DDX1: variants seen among roughly 807,000 people sequenced by gnomAD.
DDX1 encodes the protein DEAD-box helicase 1, also known as ATP-dependent RNA helicase DDX1.
In DDX1, 28 loss-of-function variants were observed where a neutral mutation model predicts 108.7. The ratio of observed to expected loss-of-function variants is 0.26; its 90% CI spans 0.19 to 0.35. DDX1 has a LOEUF of 0.35. Among genes scored for constraint, DDX1 ranks in the 10% least tolerant of loss-of-function variants. The probability of loss-of-function intolerance (pLI) is 1.00; values close to 1 mark genes in which losing one functional copy is unlikely to be tolerated. For synonymous variants in DDX1, 295 were observed against 288.9 expected, an observed-to-expected ratio of 1.02 and a Z score of -0.21; for missense variants, 710 against 884.5, an observed-to-expected ratio of 0.80 and a Z score of 2.50.
chr2:15,629,511 G>T, intron 23 of DDX1, 91 bp from the exon 24 acceptor site: 1 of 869,238 alleles, frequency 1.2e-6, no homozygotes, highest in South Asian at 1.8e-5. Flanking sequence ...GTGCCTTGAG[G>T]ACAGAAAACA....
intron 13 of DDX1, among the ~76,000 whole-genome samples, chr2:15,612,192 C>T (rs943488532): frequency 2.0e-5 from 3 of 151,516 alleles, no homozygotes; most frequent in African/African-American, 4.9e-5. Context: ...GGTGGGTGAC[C>T]CCCACCTCCT....
chr2:15,625,635 C>T (rs1461609213), intron 19 of DDX1, among the ~76,000 whole-genome samples: 1 of 151,938 alleles, frequency 6.6e-6, no homozygotes, highest in African/African-American at 2.4e-5. Context: ...GGATATACAA[C>T]TGTTCATCCT....
chr2:15,628,828 G>C lies in DDX1; in HGVS notation c.1864G>C (p.Glu622Gln). 6.2e-7 allele frequency: 1 copy of C among 1,613,452 alleles called. No homozygotes were observed. The highest frequency in any genetic ancestry group is 8.5e-7 in the Non-Finnish European group (1 of 1,179,486). Residue 622 changes from glutamate to glutamine, a missense_variant, in exon 23 of 26, where the codon GAA becomes CAA. By Grantham distance (29) the Glu-to-Gln change is conservative. Coordinates refer to ENST00000233084, the MANE Select transcript of DDX1 (RefSeq NM_004939.3). ...TCTGGCAATTTCCCTGGTGGCAACA[G>C]AAAAAGAAAAGGTAATCTTTGTAGG... Reference protein sequence around the residue: ...MGLAISLVATEKEKVWYHVCS... With the variant: ...MGLAISLVATQKEKVWYHVCS...
intron 18 of DDX1, 161 bp downstream of exon 18, chr2:15,621,277 A>T (rs1462622724): frequency 1.6e-6 from 1 of 621,302 alleles, no homozygotes; most frequent in Admixed American, 3.1e-5. Flanking sequence ...AGCTGATACT[A>T]GTCAACTTAG....
intron 25 of DDX1, 137 bp downstream of exon 25, chr2:15,630,247 C>A: frequency 1.2e-6 from 1 of 830,208 alleles, no homozygotes; most frequent in Non-Finnish European, 1.9e-6. Context: ...TCCTTATTAC[C>A]CTCATAGTAC....
At chr2:15,595,763 C>T (rs150037997) in intron 3 of DDX1, among the ~76,000 whole-genome samples, 163 of 152,246 alleles carry the variant, frequency 1.1e-3, no homozygotes, top group Non-Finnish European at 1.7e-3. Context: ...GAATGAATCT[C>T]GTATCAGAGA....
At chr2:15,608,999 G>T (rs1368625043) in intron 13 of DDX1, among the ~76,000 whole-genome samples, 1 of 152,092 alleles carries the variant, frequency 6.6e-6, no homozygotes. Flanking sequence ...TTTTAGGCTG[G>T]GAGCCAGGGC....
At chr2:15,612,402 A>G (rs1160320020) in intron 13 of DDX1, among the ~76,000 whole-genome samples, 1 of 149,926 alleles carries the variant, frequency 6.7e-6, no homozygotes, top group Non-Finnish European at 1.5e-5. Flanking sequence ...CACTTCCTAG[A>G]TGGGATGGCG....
chr2:15,604,352 AAC>A (rs1665631635), intron 9 of DDX1, 83 bp from the exon 10 acceptor site: 14 of 869,230 alleles, frequency 1.6e-5, no homozygotes, highest in South Asian at 1.0e-4. Context: ...ATTATTTTGA[AAC>A]ACATACTTTT....
intron 15 of DDX1, among the ~76,000 whole-genome samples, chr2:15,617,691 A>G (rs1324335973): frequency 6.6e-6 from 1 of 152,192 alleles, no homozygotes; most frequent in Non-Finnish European, 1.5e-5. Flanking sequence ...TTTTGCTCCA[A>G]ATAACCAGCT....
rs1232717954 is a variant in DDX1 at position 15,614,059 on chromosome 2, G to A, written c.1017+775G>A. On this transcript the variant is annotated intron_variant, in intron 14 of 25. Coordinates refer to ENST00000233084, the MANE Select transcript of DDX1 (RefSeq NM_004939.3). ...TGGTCTTGAACTCCTGACCTCAGGT[G>A]ATCCACCCGCCCTGGCCTCCCAAAG... Among the ~76,000 whole-genome samples, 10 of 152,172 alleles carry A rather than the reference G, an allele frequency of 6.6e-5. No individual in the cohort carries two copies. The South Asian group carries it at 1.0e-3, about 16-fold the overall frequency.
chr2:15,625,188 A>G (rs1666080750), intron 19 of DDX1, among the ~76,000 whole-genome samples: 1 of 152,060 alleles, frequency 6.6e-6, no homozygotes, highest in African/African-American at 2.4e-5. Flanking sequence ...CTTATGCCAA[A>G]TGAAAGAATT....
chr2:15,603,307 ATT>A (rs764850081), intron 8 of DDX1, 32 bp downstream of exon 8: 3 of 1,378,510 alleles, frequency 2.2e-6, no homozygotes, highest in Non-Finnish European at 3.1e-6. Flanking sequence ...GAATTGATTG[ATT>A]TACATTTGGG....
At position 15,617,282 on chromosome 2, in the gene DDX1, C is replaced by T. The variant is rs767850626; in HGVS notation, c.1056C>T (p.Asp352=). 38 of 1,593,456 alleles carry T rather than the reference C, an allele frequency of 2.4e-5. No homozygotes were observed. In the Admixed American group the frequency reaches 6.3e-4, roughly 26 times the overall value. Residue 352 remains aspartate, a synonymous_variant, in exon 15 of 26, where the codon GAC becomes GAT. Transcript: ENST00000233084. ...IVVGTPGRLD[D]LVSTGKLNLS... ...TAGGTACTCCGGGAAGACTAGATGA[C>T]TTGGTGTCAACTGGAAAGCTGAACT...
At chr2:15,601,252 T>G in intron 6 of DDX1, among the ~76,000 whole-genome samples, 1 of 152,078 alleles carries the variant, frequency 6.6e-6, no homozygotes, top group African/African-American at 2.4e-5. Flanking sequence ...AACAGACACA[T>G]GTTTGTTTAT....
intron 8 of DDX1, among the ~76,000 whole-genome samples, chr2:15,603,508 T>C (rs1665618937): frequency 6.6e-6 from 1 of 152,160 alleles, no homozygotes; most frequent in African/African-American, 2.4e-5. Flanking sequence ...GGAGTCAGGG[T>C]AAAGTTAGTG....
At chr2:15,620,148 G>A in intron 16 of DDX1, 60 bp from the exon 17 acceptor site, 1 of 1,434,576 alleles carries the variant, frequency 7.0e-7, no homozygotes, top group Non-Finnish European at 9.7e-7. Context: ...ATCAGTGTTT[G>A]TGTGATTTAT....
In DDX1 at chr2:15,628,622, T is replaced by A; in HGVS notation, c.1760-16T>A. ...AGAAACTACTGGCAATTGTTAATAA[T>A]GGTTTTTATTTATAGTTATAAATGT... On this transcript the variant is annotated splice_polypyrimidine_tract_variant and intron_variant, in intron 21 of 25. Transcript: ENST00000233084. 6.2e-7 allele frequency: 1 copy of A among 1,605,374 alleles called. No homozygotes were observed. Among genetic ancestry groups the A allele is most frequent in the Non-Finnish European group, 8.5e-7 (1 of 1,174,624 alleles).
chr2:15,623,672 C>T lies in DDX1; in HGVS notation c.1594+90C>T. Reference sequence around the variant, plus strand: ...GTTGATGCAATCTAGAACACATGCACAGAATTTAAAGCAGTTGATGGCATA... The same window carrying T: ...GTTGATGCAATCTAGAACACATGCATAGAATTTAAAGCAGTTGATGGCATA... On this transcript the variant is annotated intron_variant, in intron 19 of 25. Coordinates refer to ENST00000233084, the MANE Select transcript of DDX1 (RefSeq NM_004939.3). 2.8e-6 allele frequency: 3 copies of T among 1,086,638 alleles called. No individual in the cohort carries two copies. The South Asian group carries it at 4.4e-5, about 16-fold the overall frequency. 67.3% of individuals were successfully genotyped at this position (1,086,638 alleles called of 1,614,324 possible).
Sources: allele counts gnomAD v4.1 joint callset (sites outside exome capture counted in the v4.1 genomes callset), GRCh38; gene constraint gnomAD v4.1.1; transcripts MANE v1.5; gene names NCBI Gene and HGNC (gene_info 2026-07-23, HGNC 2026-07-21).